The following SPACA1 variants were observed in gnomAD, a reference collection of about 807,000 sequenced individuals.
SPACA1 encodes sperm acrosome membrane-associated protein 1.
SPACA1 carries 17 observed loss-of-function variants against 32.6 expected under a neutral mutation model. The observed-to-expected ratio is 0.52, with a 90% CI of 0.36 to 0.78. The LOEUF (loss-of-function observed/expected upper bound fraction) is 0.78. Ranked by LOEUF, SPACA1 falls within the 30% of genes least tolerant of loss-of-function variation. The probability of loss-of-function intolerance (pLI) is 0.01; values close to 1 mark genes in which losing one functional copy is unlikely to be tolerated. For missense variants in SPACA1, 363 were observed against 373.4 expected, an observed-to-expected ratio of 0.97 and a Z score of 0.23; for synonymous variants, 140 against 138.1, an observed-to-expected ratio of 1.01 and a Z score of -0.10.
intron 1 of SPACA1, 85 bp downstream of exon 1, chr6:88,048,198 A>C: frequency 1.5e-6 from 2 of 1,345,800 alleles, no homozygotes; most frequent in Non-Finnish European, 2.0e-6. Context: ...AACCATAATT[A>C]TGTGTGTTAA....
Position 88,047,997 on chromosome 6 carries a change from A to G in SPACA1, c.92A>G (p.Asn31Ser), listed in dbSNP as rs1582265095. The G allele has an allele frequency of 6.3e-6, 10 of 1,581,274 alleles. No individual in the cohort carries two copies. The highest frequency in any genetic ancestry group is 8.6e-6 in the Non-Finnish European group (10 of 1,165,752). Residue 31 changes from asparagine (N) to serine (S), a missense_variant, in exon 1 of 7, where the codon AAC (asparagine) becomes AGC (serine). Physicochemically the swap from Asn to Ser is conservative, Grantham distance 46. Coordinates refer to ENST00000237201, the MANE Select transcript of SPACA1 (RefSeq NM_030960.3). ...LAGLQSARGT[N>S]VTAAVQDAGL... ...GGCCTCCAGTCCGCGCGCGGGACCA[A>G]CGTCACCGCTGCCGTCCAGGATGCC...
intron 1 of SPACA1, 31 bp downstream of exon 1, chr6:88,048,144 C>G (rs1436109490): frequency 3.2e-6 from 5 of 1,553,766 alleles, no homozygotes; most frequent in Non-Finnish European, 3.5e-6. Flanking sequence ...GCGGGGCACG[C>G]GGAGGCCCCT....
chr6:88,049,221 C>T (rs981850151), intron 1 of SPACA1, among the ~76,000 whole-genome samples: 1 of 152,188 alleles, frequency 6.6e-6, no homozygotes, highest in African/African-American at 2.4e-5. Flanking sequence ...TTGCTTCATT[C>T]TCTTCTTTAA....
intron 1 of SPACA1, among the ~76,000 whole-genome samples, chr6:88,053,202 G>A (rs534291813): frequency 1.2e-4 from 19 of 152,272 alleles, no homozygotes; most frequent in South Asian, 6.2e-4. Context: ...TTTTCCATGC[G>A]ATTTGTTGTC....
In SPACA1 at chr6:88,053,858, C is replaced by T. The variant is rs1392637046; in HGVS notation, c.209-88C>T. 6 of 1,087,184 alleles carry T rather than the reference C, an allele frequency of 5.5e-6. No homozygotes were observed. In the Admixed American group the frequency reaches 6.0e-5, roughly 11 times the overall value. 67.3% of individuals were successfully genotyped at this position (1,087,184 alleles called of 1,614,324 possible). A position where few individuals can be genotyped will look rare whatever the true frequency, so the allele number is the denominator to read the frequency against. On this transcript the variant is annotated intron_variant, in intron 1 of 6. Transcript: ENST00000237201. Reference sequence around the variant, plus strand: ...AAAAATGTCTGCTGCCCATATCATACACATGTCTTTCATCTCCAAGTAAGA... The same window carrying T: ...AAAAATGTCTGCTGCCCATATCATATACATGTCTTTCATCTCCAAGTAAGA...
rs1582278146 is a variant in SPACA1, at chr6:88,065,852, A to C, written c.732-330A>C. Among the ~76,000 whole-genome samples the C allele has an allele frequency of 2.0e-5, 3 of 151,784 alleles. No homozygotes were observed. The East Asian group carries it at 5.8e-4, about 29-fold the overall frequency. Reference sequence around the variant, plus strand: ...TTAAAATTTTATTTATTGAGAAAAAATTTGAATACAAAATGTATGATTTTT... The same window carrying C: ...TTAAAATTTTATTTATTGAGAAAAACTTTGAATACAAAATGTATGATTTTT... On this transcript the variant is annotated intron_variant, in intron 6 of 6. Coordinates refer to ENST00000237201, the MANE Select transcript of SPACA1 (RefSeq NM_030960.3).
intron 5 of SPACA1, among the ~76,000 whole-genome samples, chr6:88,062,218 A>G (rs1486606088): frequency 6.6e-6 from 1 of 152,242 alleles, no homozygotes; most frequent in African/African-American, 2.4e-5. Context: ...GGCAAAATGG[A>G]AACTTATACT....
At chr6:88,059,154 G>C (rs1775853717) in intron 4 of SPACA1, among the ~76,000 whole-genome samples, 1 of 152,184 alleles carries the variant, frequency 6.6e-6, no homozygotes, top group Non-Finnish European at 1.5e-5. Context: ...TTAAGTGCCA[G>C]ACATGACACT....
chr6:88,063,588 G>T (rs566030978), intron 5 of SPACA1, among the ~76,000 whole-genome samples: 2 of 152,054 alleles, frequency 1.3e-5, no homozygotes, highest in East Asian at 3.8e-4. Context: ...GAACTTTCTG[G>T]GGTATAGTAA....
chr6:88,063,359 A>G (rs1303419694), intron 5 of SPACA1, among the ~76,000 whole-genome samples: 2 of 152,210 alleles, frequency 1.3e-5, no homozygotes, highest in African/African-American at 4.8e-5. Context: ...GAGTATACCT[A>G]GTAATAATAA....
In SPACA1 at chr6:88,066,535, C is replaced by G. The variant is rs1430248342; in HGVS notation, c.*200C>G. On this transcript the variant is annotated 3_prime_UTR_variant, in exon 7 of 7. Transcript: ENST00000237201. ...TCAAATATTACTTTTAATTTGTTCT[C>G]AACACTTATTTCAGGTAATAGCTTG... The G allele has an allele frequency of 5.5e-6, 2 of 364,602 alleles. No individual in the cohort carries two copies. Among genetic ancestry groups the G allele is most frequent in the African/African-American group, 2.1e-5 (1 of 47,628 alleles). 22.6% of individuals were successfully genotyped at this position (364,602 alleles called of 1,614,324 possible). A position where few individuals can be genotyped will look rare whatever the true frequency, so the allele number is the denominator to read the frequency against.
intron 6 of SPACA1, 108 bp from the exon 7 acceptor site, chr6:88,066,074 T>C: frequency 1.3e-6 from 1 of 782,038 alleles, no homozygotes; most frequent in Non-Finnish European, 1.9e-6. Context: ...ATACAGGTAA[T>C]ACACACACAC....
In SPACA1 at chr6:88,066,057, T is replaced by C. The variant is rs1438143874; in HGVS notation, c.732-125T>C. 8.0e-6 allele frequency: 5 copies of C among 623,758 alleles called. No homozygotes were observed. The Admixed American group carries it at 1.4e-4, about 17-fold the overall frequency. 38.6% of individuals were successfully genotyped at this position (623,758 alleles called of 1,614,324 possible). On this transcript the variant is annotated intron_variant, in intron 6 of 6. Coordinates refer to ENST00000237201, the MANE Select transcript of SPACA1 (RefSeq NM_030960.3). ...TTATATATATTTGTACCATATATAA[T>C]ATATACATACAGGTAATACACACAC...
intron 6 of SPACA1, 143 bp from the exon 7 acceptor site, chr6:88,066,039 T>C (rs1386470411): frequency 3.6e-6 from 2 of 548,286 alleles, no homozygotes; most frequent in Non-Finnish European, 5.9e-6. Flanking sequence ...AGGTTATATA[T>C]ATTTGTACCA....
rs777024076 is a variant in SPACA1, at chr6:88,066,136, A to G, written c.732-46A>G. 8.0e-6 allele frequency: 12 copies of G among 1,498,566 alleles called. No homozygotes were observed. The East Asian group carries it at 2.3e-4, about 28-fold the overall frequency. 92.8% of individuals were successfully genotyped at this position (1,498,566 alleles called of 1,614,324 possible). Reference sequence around the variant, plus strand: ...AAAATATAGAAATCTATTCAGTTTTAGTTTTCACTTCATATGGTGGTTTTG... The same window carrying G: ...AAAATATAGAAATCTATTCAGTTTTGGTTTTCACTTCATATGGTGGTTTTG... On this transcript the variant is annotated intron_variant, in intron 6 of 6. Transcript: ENST00000237201.
Position 88,066,445 on chromosome 6 carries a change from C to T in SPACA1, c.*110C>T, listed in dbSNP as rs1235928062. ...TTAATAATGTTGCGATGGATTGCCA[C>T]AGTGTGAAGGAAATGCAGTGTGGGG... On this transcript the variant is annotated 3_prime_UTR_variant, in exon 7 of 7. Transcript: ENST00000237201. 3.7e-6 allele frequency: 4 copies of T among 1,067,964 alleles called. No homozygotes were observed. Among genetic ancestry groups the T allele is most frequent in the Non-Finnish European group, 5.1e-6 (4 of 781,310 alleles). The allele number at this position is 1,067,964 out of a possible 1,614,324, so 66.2% of individuals were successfully genotyped here. A position where few individuals can be genotyped will look rare whatever the true frequency, so the allele number is the denominator to read the frequency against.
At chr6:88,065,431 A>AAT (rs1312890628) in intron 6 of SPACA1, among the ~76,000 whole-genome samples, 2 of 148,084 alleles carry the variant, frequency 1.4e-5, no homozygotes, top group South Asian at 2.1e-4. Context: ...TTACATATAT[A>AAT]ATATATATAC....
At chr6:88,057,770 T>C in intron 3 of SPACA1, 57 bp downstream of exon 3, 1 of 1,466,690 alleles carries the variant, frequency 6.8e-7, no homozygotes, top group South Asian at 1.2e-5. Context: ...TCTGGGGAAA[T>C]ATTTTTCACC....
intron 1 of SPACA1, among the ~76,000 whole-genome samples, chr6:88,051,444 C>G (rs1775727431): frequency 6.6e-6 from 1 of 152,176 alleles, no homozygotes; most frequent in African/African-American, 2.4e-5. Flanking sequence ...TCAAATTGCA[C>G]TCTGATGATA....
Sources: allele counts gnomAD v4.1 joint callset (sites outside exome capture counted in the v4.1 genomes callset), GRCh38; gene constraint gnomAD v4.1.1; transcripts MANE v1.5; gene names NCBI Gene and HGNC (gene_info 2026-07-23, HGNC 2026-07-21).